Variants in RANBP2 observed in about 807,000 individuals in gnomAD.
RANBP2 encodes the protein E3 SUMO-protein ligase RanBP2.
In RANBP2, 57 loss-of-function variants were observed where a neutral mutation model predicts 303.6. The observed-to-expected ratio is 0.19, with a 90% confidence interval of 0.15 to 0.23. The LOEUF is 0.23. Among genes scored for constraint, RANBP2 ranks in the 10% least tolerant of loss-of-function variants. The probability of loss-of-function intolerance (pLI) is 1.00; values close to 1 mark genes in which losing one functional copy is unlikely to be tolerated. For synonymous variants in RANBP2, 1,167 were observed against 1,301.5 expected, an observed-to-expected ratio of 0.90 and a Z score of 2.23; for missense variants, 3,138 against 3,780.8, an observed-to-expected ratio of 0.83 and a Z score of 4.46.
At chr2:108,929,106 C>T in the RANBP2 span, 1 of 1,457,306 alleles carries the variant, frequency 6.9e-7, no homozygotes, top group Non-Finnish European at 9.5e-7. Context: ...CCTGCAGTAT[C>T]CATGACCCCT....
chr2:109,036,671 C>A, the RANBP2 span, among the ~76,000 whole-genome samples: 5 of 152,058 alleles, frequency 3.3e-5, no homozygotes, highest in South Asian at 1.0e-3. Context: ...CTAGGAATGG[C>A]GGGGAGTGGT....
At chr2:108,886,977 T>C in the RANBP2 span, among the ~76,000 whole-genome samples, 1 of 152,210 alleles carries the variant, frequency 6.6e-6, no homozygotes, top group Admixed American at 6.5e-5. Context: ...CTGAGAGTTT[T>C]CCCTAGGCTT....
chr2:109,405,368 T>A, the RANBP2 span, among the ~76,000 whole-genome samples: 1 of 152,138 alleles, frequency 6.6e-6, no homozygotes, highest in Non-Finnish European at 1.5e-5. Context: ...CAACACTGAC[T>A]CCCTGCCCCT....
At chr2:109,315,780 G>A in the RANBP2 span, among the ~76,000 whole-genome samples, 10 of 152,252 alleles carry the variant, frequency 6.6e-5, no homozygotes, top group East Asian at 7.7e-4. Context: ...GGTGAATGCC[G>A]GTTGCTGCCT....
At chr2:109,263,098 G>A in the RANBP2 span, among the ~76,000 whole-genome samples, 2 of 152,012 alleles carry the variant, frequency 1.3e-5, no homozygotes, top group Admixed American at 6.6e-5. Flanking sequence ...CACCCACCTC[G>A]GCCTCCCAAA....
chr2:109,613,890 C>A, the RANBP2 span: 3 of 1,228,122 alleles, frequency 2.4e-6, no homozygotes, highest in Non-Finnish European at 3.0e-6. Context: ...CTGGTCCCGG[C>A]GACGGCGGCG....
At chr2:109,471,315 C>G in the RANBP2 span, among the ~76,000 whole-genome samples, 3 of 150,052 alleles carry the variant, frequency 2.0e-5, no homozygotes, top group Admixed American at 1.3e-4. Flanking sequence ...CCACAGGAAA[C>G]TTACAATCAT....
chr2:109,258,108 G>A, the RANBP2 span, among the ~76,000 whole-genome samples: 2 of 152,138 alleles, frequency 1.3e-5, no homozygotes, highest in African/African-American at 4.8e-5. Context: ...GAGCTTAACC[G>A]GCCCAGACAT....
the RANBP2 span, chr2:109,732,972 C>A: frequency 1.6e-6 from 1 of 609,978 alleles, no homozygotes; most frequent in Non-Finnish European, 3.2e-6. Context: ...AATCATGGCC[C>A]ACCTCCCTCT....
chr2:109,353,582 A>G, the RANBP2 span, among the ~76,000 whole-genome samples: 65 of 152,142 alleles, frequency 4.3e-4, no homozygotes, highest in African/African-American at 1.4e-3. Context: ...GCCCTGTGTC[A>G]CCTGGCCAGG....
chr2:108,763,224 T>C lies in RANBP2; in HGVS notation c.2698-13T>C. 5 of 1,613,288 alleles carry C rather than the reference T, an allele frequency of 3.1e-6. No individual in the cohort carries two copies. Among genetic ancestry groups the C allele is most frequent in the Non-Finnish European group, 4.2e-6 (5 of 1,179,714 alleles). On this transcript the variant is annotated splice_polypyrimidine_tract_variant and intron_variant, in intron 19 of 28. Transcript: ENST00000283195. ...AGACAATCTACAAAATGTTTTAACT[T>C]TCTGTCTTTTAGGGCCCAGTCTATG...
the RANBP2 span, among the ~76,000 whole-genome samples, chr2:108,850,439 GT>G: frequency 4.0e-5 from 6 of 151,738 alleles, no homozygotes; most frequent in African/African-American, 1.5e-4. Flanking sequence ...TACTTGGCGA[GT>G]TTTTTTTGTT....
chr2:108,976,348 C>T, the RANBP2 span, among the ~76,000 whole-genome samples: 1 of 152,162 alleles, frequency 6.6e-6, no homozygotes, highest in Non-Finnish European at 1.5e-5. Context: ...AGAGGAAGAC[C>T]ACAGAGGCAA....
At chr2:108,788,869 T>C (rs752081646), downstream of RANBP2, 3 of 1,613,896 alleles carry the variant, frequency 1.9e-6, no homozygotes, top group East Asian at 2.2e-5. Flanking sequence ...GGATATCTAC[T>C]CTGGAGATAA....
At chr2:109,261,098 G>C in the RANBP2 span, among the ~76,000 whole-genome samples, 1 of 152,216 alleles carries the variant, frequency 6.6e-6, no homozygotes, top group Admixed American at 6.5e-5. Flanking sequence ...TTTCTGCCAA[G>C]ACGCCCAATG....
At chr2:109,434,501 T>C in the RANBP2 span, among the ~76,000 whole-genome samples, 1 of 152,228 alleles carries the variant, frequency 6.6e-6, no homozygotes, top group African/African-American at 2.4e-5. Context: ...CGTGTGTCAG[T>C]CAGTGTCACC....
chr2:109,363,222 G>A, the RANBP2 span, among the ~76,000 whole-genome samples: 1 of 151,826 alleles, frequency 6.6e-6, no homozygotes, highest in African/African-American at 2.4e-5. Context: ...TAGCATATCA[G>A]TTGTACCTCT....
the RANBP2 span, among the ~76,000 whole-genome samples, chr2:108,890,407 C>G: frequency 6.6e-6 from 1 of 151,868 alleles, no homozygotes. Context: ...CCATGCCTGG[C>G]TAATGTTTTG....
At chr2:108,722,768 G>A (rs1228344009) in intron 1 of RANBP2, among the ~76,000 whole-genome samples, 1 of 151,328 alleles carries the variant, frequency 6.6e-6, no homozygotes, top group Non-Finnish European at 1.5e-5. Flanking sequence ...GGCAGCGCCT[G>A]TAGTCCCACC....
Sources: allele counts gnomAD v4.1 joint callset (sites outside exome capture counted in the v4.1 genomes callset), GRCh38; gene constraint gnomAD v4.1.1; transcripts MANE v1.5; gene names NCBI Gene and HGNC (gene_info 2026-07-23, HGNC 2026-07-21).